The following NR3C2 variants were observed in gnomAD, a reference collection of about 807,000 sequenced individuals.
NR3C2 encodes nuclear receptor subfamily 3 group C member 2, also known as mineralocorticoid receptor.
In NR3C2, 15 loss-of-function variants were observed where a neutral mutation model predicts 86.4. The ratio of observed to expected loss-of-function variants is 0.17; its 90% CI spans 0.12 to 0.27. NR3C2 has a LOEUF of 0.27. Ranked by LOEUF, NR3C2 falls within the 10% of genes least tolerant of loss-of-function variation. The pLI, the probability that NR3C2 is intolerant of heterozygous loss-of-function variation, is 1.00. For synonymous variants in NR3C2, 458 were observed against 450.5 expected (o/e 1.02, Z -0.21); for missense variants, 960 against 1,195.6 (o/e 0.80, Z 2.91).
intron 4 of NR3C2, among the ~76,000 whole-genome samples, chr4:148,191,254 T>C (rs1020805726): frequency 1.3e-5 from 2 of 152,206 alleles, no homozygotes; most frequent in African/African-American, 4.8e-5. Context: ...TTAGTTTCAC[T>C]GGATACAAAA....
intron 2 of NR3C2, among the ~76,000 whole-genome samples, chr4:148,304,541 C>A (rs1371134495): frequency 6.6e-6 from 1 of 151,976 alleles, no homozygotes; most frequent in Non-Finnish European, 1.5e-5. Flanking sequence ...TGCTGGGGAC[C>A]CTTAGATAGG....
chr4:148,305,582 GA>G (rs1376987934), intron 2 of NR3C2, among the ~76,000 whole-genome samples: 4 of 150,198 alleles, frequency 2.7e-5, no homozygotes, highest in Non-Finnish European at 5.9e-5. Flanking sequence ...AAACTCCTCT[GA>G]AAACCTAAAA....
At chr4:148,345,003 C>T (rs963037797) in intron 2 of NR3C2, among the ~76,000 whole-genome samples, 21 of 152,092 alleles carry the variant, frequency 1.4e-4, no homozygotes, top group Non-Finnish European at 5.9e-5. Flanking sequence ...GTTTTCAAAG[C>T]ATGCATCCAT....
At chr4:148,092,129 G>A (rs530299954) in intron 8 of NR3C2, among the ~76,000 whole-genome samples, 1 of 152,294 alleles carries the variant, frequency 6.6e-6, no homozygotes, top group African/African-American at 2.4e-5. Context: ...TGTCATGCTC[G>A]TGGGCAGCAG....
intron 8 of NR3C2, among the ~76,000 whole-genome samples, chr4:148,097,732 C>A (rs926283565): frequency 2.2e-5 from 3 of 133,956 alleles, no homozygotes; most frequent in African/African-American, 9.1e-5. Flanking sequence ...CATGATGAGA[C>A]TTTTTTGCGT....
chr4:148,410,655 G>A (rs1425695760), intron 2 of NR3C2, among the ~76,000 whole-genome samples: 1 of 152,110 alleles, frequency 6.6e-6, no homozygotes, highest in Non-Finnish European at 1.5e-5. Context: ...ACTCAAAGAA[G>A]CAGAATCCCT....
At position 148,374,499 on chromosome 4, in the gene NR3C2, C is replaced by T. The variant is rs181120119; in HGVS notation, c.1757+60605G>A. ...AAGAAGCTTGCCTCTTAACTCCCAG[C>T]TTAATAACTTTATCCAGTATACAGG... is the stretch of plus-strand genomic sequence containing the variant. On this transcript the variant is annotated intron_variant, in intron 2 of 8. Coordinates refer to ENST00000358102, the MANE Select transcript of NR3C2 (RefSeq NM_000901.5). Among the ~76,000 whole-genome samples the T allele has an allele frequency of 9.9e-5, 15 of 152,134 alleles. No individual in the cohort carries two copies. The East Asian group carries it at 2.9e-3, about 29-fold the overall frequency.
rs1281450465 is a variant in NR3C2 at position 148,134,639 on chromosome 4, C to T, written c.2511-14351G>A. Among the ~76,000 whole-genome samples the T allele has an allele frequency of 8.7e-3, 504 of 57,962 alleles. 12 individuals carry two copies. Among genetic ancestry groups the T allele is most frequent in the African/African-American group, 0.03 (471 of 15,474 alleles). 38.0% of individuals were successfully genotyped at this position (57,962 alleles called of 152,430 possible). A position where few individuals can be genotyped will look rare whatever the true frequency, so the allele number is the denominator to read the frequency against. On this transcript the variant is annotated intron_variant, in intron 6 of 8. Coordinates refer to ENST00000358102, the MANE Select transcript of NR3C2 (RefSeq NM_000901.5). The stretch of plus-strand genomic sequence containing the variant: ...GCTCCCTGTGATTCTCTCTCTCTCT[C>T]TCTCTTTTTTTTTTTTTTTTTTTTT...
chr4:148,233,903 G>C (rs921452902), intron 3 of NR3C2, among the ~76,000 whole-genome samples: 4 of 152,098 alleles, frequency 2.6e-5, no homozygotes, highest in African/African-American at 9.7e-5. Flanking sequence ...GTGACACAGA[G>C]ACATGAAGTG....
chr4:148,300,025 G>T (rs1230787803), intron 2 of NR3C2, among the ~76,000 whole-genome samples: 1 of 152,174 alleles, frequency 6.6e-6, no homozygotes, highest in African/African-American at 2.4e-5. Flanking sequence ...TTACTGTATG[G>T]TTCTGTCAGA....
intron 4 of NR3C2, among the ~76,000 whole-genome samples, chr4:148,160,059 T>C (rs1282705189): frequency 6.6e-6 from 1 of 152,206 alleles, no homozygotes; most frequent in Non-Finnish European, 1.5e-5. Flanking sequence ...TTAAACTCAC[T>C]TAAAAGAGGA....
At chr4:148,384,398 T>G (rs998310399) in intron 2 of NR3C2, among the ~76,000 whole-genome samples, 1 of 152,160 alleles carries the variant, frequency 6.6e-6, no homozygotes, top group South Asian at 2.1e-4. Context: ...ATGAGAATTG[T>G]ATTACTGCTT....
chr4:148,386,166 T>G (rs772568354), intron 2 of NR3C2, among the ~76,000 whole-genome samples: 1 of 152,112 alleles, frequency 6.6e-6, no homozygotes, highest in Non-Finnish European at 1.5e-5. Context: ...CCAATGACAA[T>G]GAACCTGGGA....
chr4:148,429,642 C>T (rs757041599), intron 2 of NR3C2, among the ~76,000 whole-genome samples: 1 of 152,166 alleles, frequency 6.6e-6, no homozygotes, highest in Non-Finnish European at 1.5e-5. Context: ...ATATAAGGAA[C>T]AAAATAAAAC....
chr4:148,232,036 G>A (rs6836072), intron 3 of NR3C2, among the ~76,000 whole-genome samples: 2,392 of 152,186 alleles, frequency 0.016, 57 homozygotes, highest in African/African-American at 0.052. Flanking sequence ...ACTTTCTCCA[G>A]TGAAGTTTTG....
chr4:148,207,483 ATC>A (rs1426286280), intron 3 of NR3C2, among the ~76,000 whole-genome samples: 1 of 152,140 alleles, frequency 6.6e-6, no homozygotes, highest in Non-Finnish European at 1.5e-5. Context: ...TTTGTTTAAA[ATC>A]TCTTTCTATC....
chr4:148,179,774 C>A (rs1735560774), intron 4 of NR3C2, among the ~76,000 whole-genome samples: 1 of 151,742 alleles, frequency 6.6e-6, no homozygotes, highest in Non-Finnish European at 1.5e-5. Flanking sequence ...TGCTTTAGAG[C>A]CAATCCTGAA....
intron 4 of NR3C2, among the ~76,000 whole-genome samples, chr4:148,159,226 C>A (rs1020531192): frequency 6.6e-6 from 1 of 151,978 alleles, no homozygotes; most frequent in African/African-American, 2.4e-5. Context: ...AATAAATTGA[C>A]CTTATTTAAA....
intron 8 of NR3C2, among the ~76,000 whole-genome samples, chr4:148,089,785 A>G (rs1424590613): frequency 6.6e-6 from 1 of 152,202 alleles, no homozygotes; most frequent in African/African-American, 2.4e-5. Flanking sequence ...ATGTGCCACC[A>G]TGAGTCAGCA....
Sources: gnomAD v4.1 joint callset for allele counts (sites outside exome capture counted in the v4.1 genomes callset) on GRCh38, gnomAD v4.1.1 for gene constraint, MANE v1.5 for transcripts, NCBI Gene and HGNC (gene_info 2026-07-23, HGNC 2026-07-21) for gene names.